The following INSR variants were observed in gnomAD, a reference collection of about 807,000 sequenced individuals.
INSR encodes the protein insulin receptor.
In INSR, 67 loss-of-function variants were observed where a neutral mutation model predicts 142.6. The ratio of observed to expected loss-of-function variants is 0.47; its 90% confidence interval spans 0.39 to 0.58. INSR has a LOEUF of 0.58. Among genes scored for constraint, INSR ranks in the 20% least tolerant of loss-of-function variants. INSR has a pLI of 0.00. For synonymous variants in INSR, 756 were observed against 743.1 expected (o/e 1.02, Z -0.28); for missense variants, 1,248 against 1,833.2 (o/e 0.68, Z 5.83).
chr19:7,210,821 GC>G (rs1975253650), intron 2 of INSR, among the ~76,000 whole-genome samples: 1 of 151,656 alleles, frequency 6.6e-6, no homozygotes, highest in Admixed American at 6.6e-5. Flanking sequence ...CCTCTGCCTC[GC>G]GGTTTCAAGC....
At chr19:7,121,890 C>A (rs1028287811) in intron 19 of INSR, among the ~76,000 whole-genome samples, 5 of 152,200 alleles carry the variant, frequency 3.3e-5, no homozygotes, top group African/African-American at 1.2e-4. Context: ...TGCCTGTAAT[C>A]CCAGTGCTTT....
intron 12 of INSR, among the ~76,000 whole-genome samples, chr19:7,142,495 G>A (rs1973095523): frequency 6.7e-6 from 1 of 149,800 alleles, no homozygotes; most frequent in Non-Finnish European, 1.5e-5. Context: ...AGGAGTTCAA[G>A]ACCAGCCTGG....
At chr19:7,224,433 G>A (rs982763312) in intron 2 of INSR, among the ~76,000 whole-genome samples, 1 of 152,022 alleles carries the variant, frequency 6.6e-6, no homozygotes, top group Non-Finnish European at 1.5e-5. Flanking sequence ...GTAAACACGG[G>A]AAGCTCTGAA....
intron 1 of INSR, among the ~76,000 whole-genome samples, chr19:7,283,070 G>A (rs144024062): frequency 2.8e-4 from 42 of 152,130 alleles, no homozygotes; most frequent in African/African-American, 1.0e-3. Flanking sequence ...GCACACGCCT[G>A]TAGTGCCAGC....
intron 21 of INSR, among the ~76,000 whole-genome samples, chr19:7,118,252 T>C (rs1342764409): frequency 6.6e-6 from 1 of 151,548 alleles, no homozygotes; most frequent in African/African-American, 2.4e-5. Context: ...AATATATATA[T>C]ATGTACATAT....
Position 7,267,786 on chromosome 19 carries a change from C to T in INSR, c.211G>A (p.Glu71Lys), listed in dbSNP as rs1967785282. ...QILLMFKTRP[E>K]DFRDLSFPKL... is the part of the protein sequence containing the mutation. Reference sequence around the variant, plus strand: ...GGGAAACTGAGGTCTCGGAAATCTTCGGGCCTCGTTTTGAACATCAAGAGT... The same window carrying T: ...GGGAAACTGAGGTCTCGGAAATCTTTGGGCCTCGTTTTGAACATCAAGAGT... The change falls in exon 2 of 22, where the codon GAA becomes AAA. Residue 71 changes from glutamate (E) to lysine (K), a missense_variant. By Grantham distance (56) the Glu-to-Lys change is moderately conservative (BLOSUM62 1). Transcript: ENST00000302850. The surrounding 1 kb of genome is among the most constrained non-coding windows in gnomAD (Gnocchi z 6.3). The T allele has an allele frequency of 6.2e-7, 1 of 1,614,012 alleles. No individual in the cohort carries two copies. The highest frequency in any genetic ancestry group is 8.5e-7 in the Non-Finnish European group (1 of 1,180,034).
Position 7,192,020 on chromosome 19 carries a change from G to C in INSR, c.653-7383C>G, listed in dbSNP as rs1245400811. On this transcript the variant is annotated intron_variant, in intron 2 of 21. Coordinates refer to ENST00000302850, the MANE Select transcript of INSR (RefSeq NM_000208.4). This position sits in a 1 kb window ranked among gnomAD's most constrained non-coding sequence, Gnocchi z 4.2. ...GAGAGAGAGAAAGAAAGAAGAGGGAGAAAGAAAGAGAAAGAAAGAGGCAGG... is the reference window on the plus strand; with the variant it reads ...GAGAGAGAGAAAGAAAGAAGAGGGACAAAGAAAGAGAAAGAAAGAGGCAGG... Among the ~76,000 whole-genome samples the C allele has an allele frequency of 6.9e-6, 1 of 145,236 alleles. No homozygotes were observed. The highest frequency in any genetic ancestry group is 1.5e-5 in the Non-Finnish European group (1 of 66,534).
At chr19:7,229,618 G>C (rs771966879) in intron 2 of INSR, among the ~76,000 whole-genome samples, 1 of 152,156 alleles carries the variant, frequency 6.6e-6, no homozygotes, top group Non-Finnish European at 1.5e-5. Context: ...GGGCCTCTGG[G>C]TCTGTGTTTT....
chr19:7,258,165 T>C (rs932804619), intron 2 of INSR, among the ~76,000 whole-genome samples: 1 of 152,266 alleles, frequency 6.6e-6, no homozygotes, highest in African/African-American at 2.4e-5. Context: ...GCAAGCACAG[T>C]GGCTCACGCC....
At chr19:7,209,009 A>T (rs967706908) in intron 2 of INSR, among the ~76,000 whole-genome samples, 1 of 151,994 alleles carries the variant, frequency 6.6e-6, no homozygotes, top group Non-Finnish European at 1.5e-5. Context: ...TAAAAAAAAA[A>T]ATTAGCTGGG....
chr19:7,135,546 G>T (rs1039901429), intron 13 of INSR, among the ~76,000 whole-genome samples: 1 of 150,660 alleles, frequency 6.6e-6, no homozygotes. Context: ...GCATGGTGGC[G>T]GATGGCGGGC....
chr19:7,141,765 T>C lies in INSR; in HGVS notation c.2594A>G (p.Asn865Ser). ...GPVTHEIFEN[N>S]VVHLMWQEPK... is the part of the protein sequence containing the mutation. The stretch of plus-strand genomic sequence containing the variant: ...CTCCTGCCACATCAAGTGGACGACG[T>C]TGTTCTCAAAGATTTCATGCGTCAC... The change falls in exon 13 of 22, where the codon AAC (asparagine) becomes AGC (serine). Residue 865 changes from asparagine (N) to serine (S), a missense_variant. Coordinates refer to ENST00000302850, the MANE Select transcript of INSR (RefSeq NM_000208.4). 6.2e-7 allele frequency: 1 copy of C among 1,614,156 alleles called. No homozygotes were observed. The highest frequency in any genetic ancestry group is 2.2e-5 in the East Asian group (1 of 44,864).
At chr19:7,197,516 G>GTGGGTGT in intron 2 of INSR, among the ~76,000 whole-genome samples, 1 of 70,924 alleles carries the variant, frequency 1.4e-5, no homozygotes, top group South Asian at 4.1e-4. Context: ...TGGGAGTGGG[G>GTGGGTGT]GTGTGTGTGT....
chr19:7,138,359 G>A (rs1972990079), intron 13 of INSR, among the ~76,000 whole-genome samples: 1 of 151,996 alleles, frequency 6.6e-6, no homozygotes, highest in Non-Finnish European at 1.5e-5. Flanking sequence ...CTGAACAAAG[G>A]TCATCCCAAA....
intron 5 of INSR, among the ~76,000 whole-genome samples, chr19:7,171,293 G>A (rs966227292): frequency 2.0e-5 from 3 of 152,040 alleles, no homozygotes; most frequent in Non-Finnish European, 4.4e-5. Flanking sequence ...AGATAATATA[G>A]TCTAAACTAT....
intron 9 of INSR, among the ~76,000 whole-genome samples, chr19:7,160,130 C>A (rs1277995311): frequency 6.6e-6 from 1 of 151,846 alleles, no homozygotes; most frequent in Non-Finnish European, 1.5e-5. Flanking sequence ...AAGATCCCCA[C>A]CTCTAAAAAA....
rs201755478 is a variant in INSR, at chr19:7,163,238, A to T, written c.1862-39T>A. On this transcript the variant is annotated intron_variant, in intron 8 of 21. Coordinates refer to ENST00000302850, the MANE Select transcript of INSR (RefSeq NM_000208.4). ...AGGAAATGGGTCCATCATGAGAAAC[A>T]GTGTGCAAAGAAAGCTGGTGGGAGG... 2.6e-5 allele frequency: 41 copies of T among 1,582,102 alleles called. No individual in the cohort carries two copies. The East Asian group carries it at 8.3e-4, about 32-fold the overall frequency.
rs747484349 is a variant in INSR, at chr19:7,117,095, G to A, written c.4110C>T (p.Asn1370=). The A allele has an allele frequency of 8.7e-6, 14 of 1,613,950 alleles. No individual in the cohort carries two copies. Among genetic ancestry groups the A allele is most frequent in the East Asian group, 4.5e-5 (2 of 44,886 alleles). Residue 1370 remains asparagine (N), a synonymous_variant, in exon 22 of 22, where the codon AAC becomes AAT. Transcript: ENST00000302850. ...PYTHMNGGKK[N]GRILTLPRSN... ...ACCGAGGCAAGGTCAGAATCCGCCC[G>A]TTTTTCTTGCCTCCGTTCATGTGTG...
intron 3 of INSR, among the ~76,000 whole-genome samples, chr19:7,183,354 C>G (rs1194570335): frequency 2.0e-5 from 3 of 151,798 alleles, no homozygotes; most frequent in African/African-American, 7.3e-5. Flanking sequence ...ATTTTTGCAA[C>G]TCAGTTACGG....
Sources: allele counts gnomAD v4.1 joint callset (sites outside exome capture counted in the v4.1 genomes callset), GRCh38; gene constraint gnomAD v4.1.1; non-coding constraint Gnocchi (gnomAD v3.1); transcripts MANE v1.5; gene names NCBI Gene and HGNC (gene_info 2026-07-23, HGNC 2026-07-21).